Variants in MAST4 observed in about 807,000 individuals in gnomAD.
MAST4 encodes the protein microtubule associated serine/threonine kinase family member 4.
In MAST4, 89 loss-of-function variants were observed where a neutral mutation model predicts 162.7. That is an observed-to-expected ratio of 0.55 (90% CI 0.46 to 0.65). The LOEUF is 0.65. Among genes scored for constraint, MAST4 ranks in the 30% least tolerant of loss-of-function variants. The pLI is 0.00. For missense variants in MAST4, 3,153 were observed against 3,374.0 expected (o/e 0.93, Z 1.62); for synonymous variants, 1,479 against 1,361.1 (o/e 1.09, Z -1.91).
Position 67,071,588 on chromosome 5 carries a change from C to T in MAST4, c.763+17096C>T, listed in dbSNP as rs866544891. Among the ~76,000 whole-genome samples the T allele has an allele frequency of 4.6e-5, 7 of 152,180 alleles. 1 individual carries two copies. Among genetic ancestry groups the T allele is most frequent in the Middle Eastern group, 6.8e-3 (2 of 292 alleles). On this transcript the variant is annotated intron_variant, in intron 5 of 28. Coordinates refer to ENST00000403625, the MANE Select transcript of MAST4 (RefSeq NM_001164664.2). ...CAGACTGACCAATATGGCAAAACCC[C>T]GTCTCTACTAAAGATACAAAAATTA...
At chr5:67,103,168 G>GA (rs1765216513) in intron 9 of MAST4, among the ~76,000 whole-genome samples, 1 of 152,180 alleles carries the variant, frequency 6.6e-6, no homozygotes, top group Non-Finnish European at 1.5e-5. Context: ...GAGCAATTGT[G>GA]AAGGGCTGCT....
rs539678707 is a variant in MAST4 at position 66,867,718 on chromosome 5, A to G, written c.643-32233A>G. Among the ~76,000 whole-genome samples the G allele has an allele frequency of 1.2e-4, 18 of 152,360 alleles. No homozygotes were observed. In the South Asian group the frequency reaches 3.1e-3, roughly 26 times the overall value. On this transcript the variant is annotated intron_variant, in intron 3 of 28. Transcript: ENST00000403625. ...ATGTGCTTCCTTTTTCACAAAACTAATGGTGAGGAATCCACCTCTTCCTCA... is the reference window on the plus strand; with the variant it reads ...ATGTGCTTCCTTTTTCACAAAACTAGTGGTGAGGAATCCACCTCTTCCTCA...
At chr5:67,120,113 G>A (rs576642365) in intron 13 of MAST4, among the ~76,000 whole-genome samples, 1 of 152,300 alleles carries the variant, frequency 6.6e-6, no homozygotes, top group East Asian at 1.9e-4. Flanking sequence ...GGGAGCAGAG[G>A]AAACAGATGG....
chr5:66,822,536 A>G (rs1757044354), intron 3 of MAST4, among the ~76,000 whole-genome samples: 1 of 152,200 alleles, frequency 6.6e-6, no homozygotes, highest in Non-Finnish European at 1.5e-5. Flanking sequence ...GTTCAAACTC[A>G]GAGTGGAGGC....
intron 11 of MAST4, among the ~76,000 whole-genome samples, chr5:67,113,619 A>G (rs567884286): frequency 5.9e-5 from 9 of 152,282 alleles, no homozygotes; most frequent in African/African-American, 1.9e-4. Context: ...ATGTTTTTGG[A>G]TACGTCTATA....
intron 3 of MAST4, chr5:66,828,741 G>GT: frequency 6.5e-7 from 1 of 1,528,948 alleles, no homozygotes; most frequent in African/African-American, 1.4e-5. Context: ...AGAGCGTGAT[G>GT]TAAGTGTTTA....
intron 1 of MAST4, among the ~76,000 whole-genome samples, chr5:66,671,276 C>A (rs1319721684): frequency 6.6e-6 from 1 of 152,156 alleles, no homozygotes; most frequent in Non-Finnish European, 1.5e-5. Context: ...AGGATGGAGA[C>A]CTCGTCTTCC....
intron 23 of MAST4, among the ~76,000 whole-genome samples, chr5:67,148,316 C>T (rs1204909872): frequency 6.6e-6 from 1 of 152,104 alleles, no homozygotes; most frequent in African/African-American, 2.4e-5. Flanking sequence ...CAAAAATGTG[C>T]TATCAATGAT....
chr5:67,004,677 C>T (rs1751749578), intron 4 of MAST4: 1 of 245,306 alleles, frequency 4.1e-6, no homozygotes, highest in Non-Finnish European at 8.1e-6. Context: ...GAGCAGAACG[C>T]ACGGCTCAAC....
chr5:67,016,064 T>C (rs1239605081), intron 4 of MAST4, among the ~76,000 whole-genome samples: 1 of 152,180 alleles, frequency 6.6e-6, no homozygotes, highest in Non-Finnish European at 1.5e-5. Context: ...TTCAAGTAGC[T>C]CAATCTAGTG....
intron 4 of MAST4, among the ~76,000 whole-genome samples, chr5:66,923,534 T>G (rs1764682917): frequency 6.6e-6 from 1 of 152,178 alleles, no homozygotes; most frequent in Non-Finnish European, 1.5e-5. Flanking sequence ...AGGTAGAAGT[T>G]TCTGAGGTTG....
intron 18 of MAST4, 60 bp downstream of exon 18, chr5:67,134,748 T>C: frequency 7.1e-7 from 1 of 1,399,966 alleles, no homozygotes; most frequent in Non-Finnish European, 9.8e-7. Flanking sequence ...TTAATGTAAA[T>C]CTGTTGAGTG....
chr5:66,687,904 C>G (rs890388364), intron 1 of MAST4, among the ~76,000 whole-genome samples: 4 of 152,154 alleles, frequency 2.6e-5, no homozygotes, highest in African/African-American at 9.7e-5. Context: ...TTAAGTTCAA[C>G]TGATGTTTTT....
At chr5:66,932,717 G>A (rs1742314638) in intron 4 of MAST4, among the ~76,000 whole-genome samples, 1 of 152,144 alleles carries the variant, frequency 6.6e-6, no homozygotes, top group Non-Finnish European at 1.5e-5. Flanking sequence ...GTTCCTCAGA[G>A]CATGTCTGCA....
Position 67,163,286 on chromosome 5 carries a change from G to T in MAST4, c.4107G>T (p.Lys1369Asn). 1 of 1,613,298 alleles carries T rather than the reference G, an allele frequency of 6.2e-7. No individual in the cohort carries two copies. Among genetic ancestry groups the T allele is most frequent in the Non-Finnish European group, 8.5e-7 (1 of 1,179,870 alleles). Residue 1369 changes from lysine to asparagine, a missense_variant, in exon 29 of 29, where the codon AAG (lysine) becomes AAT (asparagine). Lys to Asn is a moderately conservative substitution (Grantham distance 94). Around this residue, in one of 7 missense-constraint regions of MAST4, gnomAD observed 619 missense variants for 744.2 expected, o/e 0.83. Transcript: ENST00000403625. The surrounding 1 kb of genome is among the most constrained non-coding windows in gnomAD (Gnocchi z 7.0). ...GGQRYRSGRR[K>N]SAGNIPLSPL... The stretch of plus-strand genomic sequence containing the variant: ...AGCGGTACCGGTCCGGAAGGCGAAA[G>T]TCCGCCGGCAACATCCCACTGTCCC...
chr5:67,094,715 C>G (rs1370554329), intron 6 of MAST4, among the ~76,000 whole-genome samples: 2 of 152,100 alleles, frequency 1.3e-5, no homozygotes. Flanking sequence ...AGTATTGTTT[C>G]TACTGCTGCA....
chr5:66,704,340 T>C (rs184596290), intron 1 of MAST4, among the ~76,000 whole-genome samples: 2 of 152,292 alleles, frequency 1.3e-5, no homozygotes, highest in East Asian at 3.9e-4. Flanking sequence ...TGGGTGCATA[T>C]AAATCAGTTA....
Position 67,130,257 on chromosome 5 carries a change from T to A in MAST4, c.1793T>A (p.Met598Lys). 1 of 1,613,720 alleles carries A rather than the reference T, an allele frequency of 6.2e-7. No individual in the cohort carries two copies. ...RHKESRQRFAMKKINKQNLIL... is the reference protein window; with the variant it reads ...RHKESRQRFAKKKINKQNLIL... ...AAAGAATCCCGGCAGAGGTTTGCCA[T>A]GAAGAAGATTAATAAACAGAACCTC... The change falls in exon 15 of 29, where the codon ATG (methionine) becomes AAG (lysine). Residue 598 changes from methionine (M) to lysine (K), a missense_variant. This residue lies in a region of MAST4 where 131 missense variants were observed against 253.8 expected (regional missense o/e 0.52). Coordinates refer to ENST00000403625, the MANE Select transcript of MAST4 (RefSeq NM_001164664.2).
chr5:66,741,628 A>G (rs1752481174), intron 1 of MAST4, among the ~76,000 whole-genome samples: 1 of 152,172 alleles, frequency 6.6e-6, no homozygotes, highest in African/African-American at 2.4e-5. Flanking sequence ...TTTAGTGGAT[A>G]TAGTGGTTTG....
Sources: gnomAD v4.1 joint callset for allele counts (sites outside exome capture counted in the v4.1 genomes callset) on GRCh38, gnomAD v4.1.1 for gene constraint, gnomAD v4.1.1 regional missense constraint, Gnocchi (gnomAD v3.1) non-coding constraint, MANE v1.5 for transcripts, NCBI Gene and HGNC (gene_info 2026-07-23, HGNC 2026-07-21) for gene names.